The following RNF38 variants were observed in gnomAD, a reference collection of about 807,000 sequenced individuals.
The protein encoded by RNF38 is ring finger protein 38.
Under a neutral mutation model 67.2 loss-of-function variants are expected in RNF38, and 15 were observed. That is an observed-to-expected ratio of 0.22 (90% CI 0.15 to 0.34). RNF38 has a LOEUF of 0.34. Among genes scored for constraint, RNF38 ranks in the 10% least tolerant of loss-of-function variants. The probability of loss-of-function intolerance (pLI) is 1.00; values close to 1 mark genes in which losing one functional copy is unlikely to be tolerated. For synonymous variants in RNF38, 220 were observed against 218.8 expected, an observed-to-expected ratio of 1.01 and a Z score of -0.05; for missense variants, 524 against 639.9, an observed-to-expected ratio of 0.82 and a Z score of 1.95.
chr9:36,347,389 T>C (rs1833342663), intron 9 of RNF38, among the ~76,000 whole-genome samples: 1 of 152,164 alleles, frequency 6.6e-6, no homozygotes, highest in South Asian at 2.1e-4. Flanking sequence ...AAATTGAAGG[T>C]GTGTGGCCAC....
At chr9:36,416,925 T>C (rs1189037578) in intron 2 of RNF38, among the ~76,000 whole-genome samples, 14 of 151,912 alleles carry the variant, frequency 9.2e-5, no homozygotes, top group Admixed American at 9.2e-4. Context: ...CTAATTTCTG[T>C]ATTTTTAGTA....
chr9:36,360,892 C>T (rs538524311), intron 4 of RNF38, among the ~76,000 whole-genome samples: 6 of 152,138 alleles, frequency 3.9e-5, no homozygotes, highest in African/African-American at 1.4e-4. Context: ...CTCACCATAG[C>T]CTCAATCTCC....
At chr9:36,372,997 G>A (rs1032819636) in intron 3 of RNF38, among the ~76,000 whole-genome samples, 2 of 152,184 alleles carry the variant, frequency 1.3e-5, no homozygotes, top group African/African-American at 2.4e-5. Flanking sequence ...CCTGAGGTCA[G>A]GAGTTTGAGA....
chr9:36,354,921 C>T (rs2133538963), intron 6 of RNF38, among the ~76,000 whole-genome samples: 1 of 152,306 alleles, frequency 6.6e-6, no homozygotes, highest in Middle Eastern at 3.4e-3. Context: ...TATGACAACA[C>T]TAGTGAAAAC....
rs1248820541 is a variant in RNF38, at chr9:36,339,246, G to A, written c.*506C>T. 2 of 157,664 alleles carry A rather than the reference G, an allele frequency of 1.3e-5. No individual in the cohort carries two copies. Among genetic ancestry groups the A allele is most frequent in the African/African-American group, 2.4e-5 (1 of 41,528 alleles). The allele number at this position is 157,664 out of a possible 1,614,324, so 9.8% of individuals were successfully genotyped here. ...ACACACACATTCTTGGTACATGCTG[G>A]TATATAGGATCTCATACACACGTTA... On this transcript the variant is annotated 3_prime_UTR_variant, in exon 12 of 12. Transcript: ENST00000259605.
intron 8 of RNF38, among the ~76,000 whole-genome samples, chr9:36,352,397 A>C (rs1833763056): frequency 6.6e-6 from 1 of 152,184 alleles, no homozygotes; most frequent in South Asian, 2.1e-4. Context: ...CATAGAAATA[A>C]ATAAATTTTT....
chr9:36,354,932 A>C (rs565274620), intron 6 of RNF38, among the ~76,000 whole-genome samples: 1 of 152,368 alleles, frequency 6.6e-6, no homozygotes, highest in East Asian at 1.9e-4. Flanking sequence ...TAGTGAAAAC[A>C]AAGTCTTGAT....
Position 36,357,752 on chromosome 9 carries a change from T to C in RNF38, c.738+23A>G, listed in dbSNP as rs764409898. On this transcript the variant is annotated intron_variant, in intron 5 of 11. Transcript: ENST00000259605. ...TGGTGTGCTTAATAGTAATATCTAA[T>C]GAGAACAAAGATAGAGACTTACTGG... 3.1e-6 allele frequency: 5 copies of C among 1,596,292 alleles called. No homozygotes were observed. The East Asian group carries it at 6.7e-5, about 21-fold the overall frequency.
intron 1 of RNF38, 116 bp from the exon 2 acceptor site, chr9:36,390,732 C>A: frequency 9.4e-7 from 1 of 1,069,500 alleles, no homozygotes; most frequent in Non-Finnish European, 1.4e-6. Flanking sequence ...CTAGCGAAGA[C>A]AGGAAAGAAA....
chr9:36,463,032 G>A (rs967249210), intron 1 of RNF38, among the ~76,000 whole-genome samples: 6 of 151,606 alleles, frequency 4.0e-5, no homozygotes, highest in African/African-American at 1.5e-4. Context: ...AAGGAATAAA[G>A]AATGGCTACT....
intron 11 of RNF38, among the ~76,000 whole-genome samples, chr9:36,341,555 G>A (rs1041569793): frequency 6.6e-6 from 1 of 151,934 alleles, no homozygotes; most frequent in African/African-American, 2.4e-5. Context: ...ACTATGAAGA[G>A]TAAAAAAGCA....
intron 8 of RNF38, 63 bp downstream of exon 8, chr9:36,352,679 C>T: frequency 8.3e-7 from 1 of 1,206,882 alleles, no homozygotes; most frequent in Non-Finnish European, 1.2e-6. Context: ...AAGACATTCA[C>T]AAAGGAAAGA....
rs936092723 is a variant in RNF38, at chr9:36,451,969, T to C, written n.242-27286A>G. On this transcript the variant is annotated intron_variant and non_coding_transcript_variant, in intron 1 of 3. Transcript: ENST00000488058. ...CGGTGGCTCACCCCTGTAATCCCAA[T>C]ACTTTGGGAGGCCAGGGAGGATGGA... is the stretch of plus-strand genomic sequence containing the variant. Among the ~76,000 whole-genome samples, 13 of 152,052 alleles carry C rather than the reference T, an allele frequency of 8.5e-5. 2 individuals are homozygous for C. Among genetic ancestry groups the C allele is most frequent in the Admixed American group, 8.5e-4 (13 of 15,276 alleles).
At chr9:36,483,384 C>T (rs747688053) in intron 1 of RNF38, among the ~76,000 whole-genome samples, 1 of 142,046 alleles carries the variant, frequency 7.0e-6, no homozygotes, top group Non-Finnish European at 1.5e-5. Context: ...GAAACTCTGT[C>T]TCAAAAAAAA....
At chr9:36,437,144 G>A (rs1483563947) in intron 1 of RNF38, among the ~76,000 whole-genome samples, 2 of 152,208 alleles carry the variant, frequency 1.3e-5, no homozygotes, top group Non-Finnish European at 2.9e-5. Context: ...GCTTGCTCCT[G>A]GCACTGCAGC....
chr9:36,464,455 C>T (rs1839813599), intron 1 of RNF38, among the ~76,000 whole-genome samples: 1 of 151,808 alleles, frequency 6.6e-6, no homozygotes, highest in East Asian at 1.9e-4. Flanking sequence ...CCTGTAATCC[C>T]AGCTACTCAG....
At chr9:36,387,017 G>A (rs571078400) in intron 2 of RNF38, among the ~76,000 whole-genome samples, 2 of 152,254 alleles carry the variant, frequency 1.3e-5, no homozygotes, top group East Asian at 3.9e-4. Context: ...TGGCCAGGCT[G>A]ATCTCGAACT....
intron 1 of RNF38, among the ~76,000 whole-genome samples, chr9:36,433,585 G>C (rs1311721761): frequency 6.6e-6 from 1 of 151,634 alleles, no homozygotes; most frequent in African/African-American, 2.4e-5. Flanking sequence ...TACTCCAGAG[G>C]CTGAGGCGGG....
intron 1 of RNF38, among the ~76,000 whole-genome samples, chr9:36,451,467 A>G (rs1839438205): frequency 6.6e-6 from 1 of 150,788 alleles, no homozygotes; most frequent in Non-Finnish European, 1.5e-5. Flanking sequence ...ACTCCATCTT[A>G]AAGAAGAAAA....
Sources: allele counts gnomAD v4.1 joint callset (sites outside exome capture counted in the v4.1 genomes callset), GRCh38; gene constraint gnomAD v4.1.1; transcripts MANE v1.5; gene names NCBI Gene and HGNC (gene_info 2026-07-23, HGNC 2026-07-21).